PTPRT: variants seen among roughly 807,000 people sequenced by gnomAD.
PTPRT encodes receptor-type tyrosine-protein phosphatase T.
PTPRT carries 56 observed loss-of-function variants against 176.8 expected under a neutral mutation model. The observed-to-expected ratio is 0.32, with a 90% CI of 0.26 to 0.40. The LOEUF is 0.40. PTPRT is among the 10% of genes least tolerant of loss of function. The pLI is 1.00. For synonymous variants in PTPRT, 783 were observed against 739.0 expected, an observed-to-expected ratio of 1.06 and a Z score of -0.96; for missense variants, 1,540 against 1,908.2, an observed-to-expected ratio of 0.81 and a Z score of 3.60.
intron 5 of PTPRT, among the ~76,000 whole-genome samples, chr20:42,760,285 T>G (rs1256201053): frequency 6.6e-6 from 1 of 152,100 alleles, no homozygotes; most frequent in Non-Finnish European, 1.5e-5. Context: ...CACTTTCCTG[T>G]CTCTGCCTTC....
intron 16 of PTPRT, among the ~76,000 whole-genome samples, chr20:42,184,535 C>CTTCTTCTTCT (rs1568652084): frequency 0.036 from 1,315 of 36,628 alleles, 70 homozygotes; most frequent in Non-Finnish European, 0.042. Flanking sequence ...CTTCTTCTTC[C>CTTCTTCTTCT]TCTTCCTCTT....
At chr20:42,537,028 G>T (rs1285931087) in intron 7 of PTPRT, among the ~76,000 whole-genome samples, 3 of 151,850 alleles carry the variant, frequency 2.0e-5, no homozygotes, top group African/African-American at 7.3e-5. Context: ...GTAATAAAAA[G>T]AATTGGGTAA....
intron 2 of PTPRT, among the ~76,000 whole-genome samples, chr20:42,826,485 T>A (rs568982530): frequency 6.6e-6 from 1 of 152,170 alleles, no homozygotes; most frequent in East Asian, 1.9e-4. Flanking sequence ...TTGAGTTAAA[T>A]CTCTAACATG....
Position 42,075,005 on chromosome 20 carries a change from C to A in PTPRT, c.*5874G>T, listed in dbSNP as rs1237826239. The A allele has an allele frequency of 7.6e-6, 3 of 392,822 alleles. No homozygotes were observed. Among genetic ancestry groups the A allele is most frequent in the Non-Finnish European group, 1.3e-5 (3 of 223,894 alleles). The allele number at this position is 392,822 out of a possible 1,614,324, so 24.3% of individuals were successfully genotyped here. Reference sequence around the variant, plus strand: ...ACTGGAGCTAGAACAGCTCCCCCCACACTCCACCACTAACCTCTCTCCCTG... The same window carrying A: ...ACTGGAGCTAGAACAGCTCCCCCCAAACTCCACCACTAACCTCTCTCCCTG... On this transcript the variant is annotated 3_prime_UTR_variant, in exon 31 of 31. Coordinates refer to ENST00000373187, the MANE Select transcript of PTPRT (RefSeq NM_007050.6).
intron 16 of PTPRT, among the ~76,000 whole-genome samples, chr20:42,190,856 C>T (rs997274096): frequency 2.0e-5 from 3 of 152,218 alleles, no homozygotes; most frequent in East Asian, 1.9e-4. Flanking sequence ...CTAAGGGCCT[C>T]GGGGTGTCAG....
chr20:42,516,426 C>G (rs1461722969), intron 7 of PTPRT, among the ~76,000 whole-genome samples: 1 of 152,114 alleles, frequency 6.6e-6, no homozygotes, highest in Non-Finnish European at 1.5e-5. Flanking sequence ...TCATTTATGA[C>G]TAGCTTTTCC....
intron 2 of PTPRT, among the ~76,000 whole-genome samples, chr20:42,808,312 T>A (rs1467475142): frequency 6.6e-6 from 1 of 152,150 alleles, no homozygotes; most frequent in Non-Finnish European, 1.5e-5. Context: ...AATCCAACAG[T>A]GACAATGGGT....
At chr20:42,882,607 T>TA (rs1415098298) in intron 2 of PTPRT, among the ~76,000 whole-genome samples, 1 of 152,212 alleles carries the variant, frequency 6.6e-6, no homozygotes, top group Non-Finnish European at 1.5e-5. Context: ...CCTGTATTAA[T>TA]AAAAACACTT....
chr20:43,034,380 T>A (rs567950122), intron 1 of PTPRT, among the ~76,000 whole-genome samples: 1 of 152,174 alleles, frequency 6.6e-6, no homozygotes, highest in East Asian at 1.9e-4. Context: ...TTGCTACTGC[T>A]GTTACCTGCC....
At chr20:42,332,262 C>T (rs6030143) in intron 11 of PTPRT, among the ~76,000 whole-genome samples, 122,554 of 151,916 alleles carry the variant, frequency 0.81, 49,564 homozygotes, top group African/African-American at 0.86. Context: ...CAGGCTGGAG[C>T]GCAGTGGCGT....
At chr20:42,310,697 T>C (rs777439883) in intron 12 of PTPRT, among the ~76,000 whole-genome samples, 2 of 152,196 alleles carry the variant, frequency 1.3e-5, no homozygotes, top group Non-Finnish European at 2.9e-5. Flanking sequence ...GCTATAGTTC[T>C]ATAATATTGC....
chr20:42,241,037 G>C (rs915108986), intron 14 of PTPRT, among the ~76,000 whole-genome samples: 1 of 152,212 alleles, frequency 6.6e-6, no homozygotes, highest in Non-Finnish European at 1.5e-5. Flanking sequence ...GATGAGTAAA[G>C]TGAGGCTCAG....
chr20:43,064,372 G>A (rs1987597508), intron 1 of PTPRT, among the ~76,000 whole-genome samples: 2 of 152,166 alleles, frequency 1.3e-5, no homozygotes, highest in South Asian at 4.1e-4. Context: ...ACACTGGAGT[G>A]ATGGAGAAAA....
chr20:42,431,237 A>G (rs1194943031), intron 9 of PTPRT, among the ~76,000 whole-genome samples: 5 of 152,202 alleles, frequency 3.3e-5, no homozygotes, highest in African/African-American at 9.7e-5. Context: ...ATTTGCCCAA[A>G]AGTCAGCCAC....
chr20:42,306,605 ATAGAC>A (rs1240001274), intron 12 of PTPRT, among the ~76,000 whole-genome samples: 1 of 152,142 alleles, frequency 6.6e-6, no homozygotes, highest in Non-Finnish European at 1.5e-5. Context: ...GATTCCTTAC[ATAGAC>A]TATAGTGACA....
In PTPRT at chr20:42,438,392, T is replaced by C. The variant is rs1054452634; in HGVS notation, c.1560+9828A>G. Among the ~76,000 whole-genome samples, 31 of 152,304 alleles carry C rather than the reference T, an allele frequency of 2.0e-4. 1 individual carries two copies. Among genetic ancestry groups the C allele is most frequent in the Admixed American group, 2.0e-3 (30 of 15,294 alleles). On this transcript the variant is annotated intron_variant, in intron 9 of 30. Transcript: ENST00000373187. ...TGAAAGAAAGTTTCTCCCCTGGTGT[T>C]ACCATGGCACGGATATGAGGTGATC...
intron 9 of PTPRT, among the ~76,000 whole-genome samples, chr20:42,441,736 C>T (rs1019878173): frequency 6.6e-6 from 1 of 152,162 alleles, no homozygotes; most frequent in African/African-American, 2.4e-5. Flanking sequence ...AACTTTCTGG[C>T]GGATTAGCTG....
intron 1 of PTPRT, among the ~76,000 whole-genome samples, chr20:43,042,691 G>A (rs1435291633): frequency 8.1e-6 from 1 of 122,866 alleles, no homozygotes; most frequent in African/African-American, 4.0e-5. Flanking sequence ...GTAGTGAGAA[G>A]GGCATTCTTC....
At chr20:43,149,371 T>A (rs961073636) in intron 1 of PTPRT, among the ~76,000 whole-genome samples, 1 of 152,222 alleles carries the variant, frequency 6.6e-6, no homozygotes, top group African/African-American at 2.4e-5. Context: ...TTAATTCTAT[T>A]CACTGGAGAA....
Sources: allele counts gnomAD v4.1 joint callset (sites outside exome capture counted in the v4.1 genomes callset), GRCh38; gene constraint gnomAD v4.1.1; transcripts MANE v1.5; gene names NCBI Gene and HGNC (gene_info 2026-07-23, HGNC 2026-07-21).